The following NTNG2 variants were observed in gnomAD, a reference collection of about 807,000 sequenced individuals.
The protein encoded by NTNG2 is netrin G2, also known as netrin-G2.
NTNG2 carries 15 observed loss-of-function variants against 47.6 expected under a neutral mutation model. The ratio of observed to expected loss-of-function variants is 0.32; its 90% CI spans 0.21 to 0.49. NTNG2 has a LOEUF of 0.49. NTNG2 is among the 20% of genes least tolerant of loss of function. NTNG2 has a pLI of 0.99. For synonymous variants in NTNG2, 307 were observed against 324.6 expected (o/e 0.95, Z 0.58); for missense variants, 578 against 764.6 (o/e 0.76, Z 2.88).
At chr9:132,205,637 T>C (rs529061907) in intron 3 of NTNG2, among the ~76,000 whole-genome samples, 4 of 152,192 alleles carry the variant, frequency 2.6e-5, no homozygotes, top group South Asian at 2.1e-4. Context: ...TCTCAGCACT[T>C]TGGGAGGCCG....
At chr9:132,225,773 T>G (rs1840707387) in intron 3 of NTNG2, among the ~76,000 whole-genome samples, 1 of 152,230 alleles carries the variant, frequency 6.6e-6, no homozygotes, top group African/African-American at 2.4e-5. Flanking sequence ...TTAATTGGTA[T>G]GCTTTTGAGG....
intron 2 of NTNG2, among the ~76,000 whole-genome samples, chr9:132,191,048 G>T (rs1837845011): frequency 6.6e-6 from 1 of 152,194 alleles, no homozygotes; most frequent in Non-Finnish European, 1.5e-5. Context: ...GCGGCCATGG[G>T]TACTTAGTGT....
At position 132,200,001 on chromosome 9, in the gene NTNG2, G is replaced by A. The variant is rs187310370; in HGVS notation, c.857+1392G>A. ...CATTTGTACTTTTGGCAGATAATAT[G>A]CCAGTCTGTGGGGGCAATGCCATCT... On this transcript the variant is annotated intron_variant, in intron 3 of 7. Transcript: ENST00000393229. Among the ~76,000 whole-genome samples, 4 of 152,320 alleles carry A rather than the reference G, an allele frequency of 2.6e-5. No individual in the cohort carries two copies. In the East Asian group the frequency reaches 5.8e-4, roughly 22 times the overall value.
At chr9:132,214,573 G>A (rs2130851559) in intron 3 of NTNG2, among the ~76,000 whole-genome samples, 1 of 152,348 alleles carries the variant, frequency 6.6e-6, no homozygotes, top group East Asian at 1.9e-4. Flanking sequence ...GGGAAACTTA[G>A]CTGAAAAGGT....
chr9:132,201,895 G>A (rs955431540), intron 3 of NTNG2, among the ~76,000 whole-genome samples: 5 of 152,108 alleles, frequency 3.3e-5, no homozygotes, highest in South Asian at 2.1e-4. Flanking sequence ...CGGGGGCAGC[G>A]CTCCCCCAGC....
At chr9:132,233,260 A>C (rs1393761405) in intron 5 of NTNG2, 1 of 152,372 alleles carries the variant, frequency 6.6e-6, no homozygotes, top group East Asian at 1.9e-4. Flanking sequence ...GATACTCTCC[A>C]TATCACATGT....
At position 132,197,768 on chromosome 9, in the gene NTNG2, G is replaced by A. The variant is rs1265010966; in HGVS notation, c.214-198G>A. Among the ~76,000 whole-genome samples the A allele has an allele frequency of 6.6e-6, 1 of 152,158 alleles. No individual in the cohort carries two copies. Among genetic ancestry groups the A allele is most frequent in the Non-Finnish European group, 1.5e-5 (1 of 68,026 alleles). On this transcript the variant is annotated intron_variant, in intron 2 of 7. Coordinates refer to ENST00000393229, the MANE Select transcript of NTNG2 (RefSeq NM_032536.4). This position sits in a 1 kb window ranked among gnomAD's most constrained non-coding sequence, Gnocchi z 4.3. ...ACAAGTATGCATTTTTTCTTTGGAA[G>A]CCATGGGATTGCACACCTCTGCACG...
Position 132,241,027 on chromosome 9 carries a change from G to T in NTNG2, c.1340G>T (p.Trp447Leu), listed in dbSNP as rs747548812. Residue 447 changes from tryptophan (W) to leucine (L), a missense_variant, in exon 7 of 8, where the codon TGG (tryptophan) becomes TTG (leucine). By Grantham distance (61) the Trp-to-Leu change is moderately conservative (BLOSUM62 -2). Coordinates refer to ENST00000393229, the MANE Select transcript of NTNG2 (RefSeq NM_032536.4). ...KCDDCLPTHYWRQGCYPNVCD... is the reference protein window; with the variant it reads ...KCDDCLPTHYLRQGCYPNVCD... ...GACGACTGCCTCCCCACGCACTACT[G>T]GCGCCAGGGCTGCTACCGTGAGTGC... 4 of 1,604,716 alleles carry T rather than the reference G, an allele frequency of 2.5e-6. No homozygotes were observed. The Admixed American group carries it at 6.7e-5, about 27-fold the overall frequency.
chr9:132,175,178 C>G lies in NTNG2; in HGVS notation c.213+8134C>G, dbSNP rs143019623. ...GACAGAGAGGAGACAGTCCACTCCC[C>G]CTGCCCACCTCATCCAAGCCCCTGT... On this transcript the variant is annotated intron_variant, in intron 2 of 7. Coordinates refer to ENST00000393229, the MANE Select transcript of NTNG2 (RefSeq NM_032536.4). Among the ~76,000 whole-genome samples the G allele has an allele frequency of 8.5e-5, 13 of 152,204 alleles. No individual in the cohort carries two copies. In the South Asian group the frequency reaches 2.7e-3, roughly 32 times the overall value.
At chr9:132,202,630 G>C in intron 3 of NTNG2, among the ~76,000 whole-genome samples, 1 of 152,234 alleles carries the variant, frequency 6.6e-6, no homozygotes, top group East Asian at 1.9e-4. Flanking sequence ...ATCTGGATTT[G>C]AGGAGGAATG....
intron 3 of NTNG2, among the ~76,000 whole-genome samples, chr9:132,224,710 C>T (rs1840605548): frequency 6.6e-6 from 1 of 152,224 alleles, no homozygotes; most frequent in Non-Finnish European, 1.5e-5. Flanking sequence ...TCTTGGAAAT[C>T]TTCCCATATC....
intron 3 of NTNG2, among the ~76,000 whole-genome samples, chr9:132,202,297 G>A (rs1391841668): frequency 2.0e-5 from 3 of 152,210 alleles, no homozygotes; most frequent in South Asian, 2.1e-4. Flanking sequence ...AGGAGGAGCT[G>A]GAGCAGCTGC....
intron 5 of NTNG2, among the ~76,000 whole-genome samples, chr9:132,237,279 C>A (rs923627529): frequency 2.6e-5 from 4 of 152,128 alleles, no homozygotes; most frequent in African/African-American, 9.7e-5. Context: ...GCCAGAGGGG[C>A]CTCTCCCTCC....
chr9:132,233,661 AAGCCCCTGTCCAG>A (rs923546266), intron 5 of NTNG2: 1 of 152,126 alleles, frequency 6.6e-6, no homozygotes, highest in Admixed American at 6.5e-5. Flanking sequence ...TCAGCAACTG[AAGCCCCTGTCCAG>A]AGCCCCCATT....
rs1835237034 is a variant in NTNG2 at position 132,163,402 on chromosome 9, T to C, written c.-484+1163T>C. 6.7e-6 allele frequency among the ~76,000 whole-genome samples: 1 copy of C among 150,258 alleles called. No homozygotes were observed. Among genetic ancestry groups the C allele is most frequent in the East Asian group, 2.0e-4 (1 of 4,984 alleles). Reference sequence around the variant, plus strand: ...CCCAGGGGCCGGATAAAGGGCCCGCTCCGGAGCGGGGGGACACCCGGGCCG... The same window carrying C: ...CCCAGGGGCCGGATAAAGGGCCCGCCCCGGAGCGGGGGGACACCCGGGCCG... On this transcript the variant is annotated intron_variant, in intron 1 of 7. Coordinates refer to ENST00000393229, the MANE Select transcript of NTNG2 (RefSeq NM_032536.4). This position sits in a 1 kb window ranked among gnomAD's most constrained non-coding sequence, Gnocchi z 7.2.
chr9:132,241,223 C>G (rs926017034), intron 7 of NTNG2, among the ~76,000 whole-genome samples, 179 bp downstream of exon 7: 1 of 148,348 alleles, frequency 6.7e-6, no homozygotes, highest in Non-Finnish European at 1.5e-5. Flanking sequence ...TGGGCGGGGC[C>G]TCGCGAGACG....
chr9:132,227,565 C>T (rs546265896), intron 4 of NTNG2, among the ~76,000 whole-genome samples: 27 of 152,280 alleles, frequency 1.8e-4, no homozygotes, highest in African/African-American at 6.3e-4. Flanking sequence ...CCAAGTGCTG[C>T]GTGTTCAGCA....
intron 3 of NTNG2, among the ~76,000 whole-genome samples, chr9:132,206,599 G>A (rs559625808): frequency 9.8e-4 from 149 of 152,318 alleles, no homozygotes; most frequent in African/African-American, 3.4e-3. Context: ...CCCAGAAGGC[G>A]GAGGTTGCAG....
At position 132,236,186 on chromosome 9, in the gene NTNG2, G is replaced by C. The variant is rs575623689; in HGVS notation, c.1055-2918G>C. Among the ~76,000 whole-genome samples, 55 of 152,364 alleles carry C rather than the reference G, an allele frequency of 3.6e-4. 1 individual carries two copies. Among genetic ancestry groups the C allele is most frequent in the Middle Eastern group, 6.8e-3 (2 of 294 alleles). ...GACCTCGGAGGGTGGACTGTGGTGG[G>C]TGAAGGGAGAAGGCAGCACATTCCA... On this transcript the variant is annotated intron_variant, in intron 5 of 7. Coordinates refer to ENST00000393229, the MANE Select transcript of NTNG2 (RefSeq NM_032536.4). The surrounding 1 kb of genome is among the most constrained non-coding windows in gnomAD (Gnocchi z 4.3).
Sources: gnomAD v4.1 joint callset for allele counts (sites outside exome capture counted in the v4.1 genomes callset) on GRCh38, gnomAD v4.1.1 for gene constraint, Gnocchi (gnomAD v3.1) non-coding constraint, MANE v1.5 for transcripts, NCBI Gene and HGNC (gene_info 2026-07-23, HGNC 2026-07-21) for gene names.